RHBDD1: variants seen among roughly 807,000 people sequenced by gnomAD.
RHBDD1 encodes the protein rhomboid-related protein 4.
RHBDD1 carries 38 observed loss-of-function variants against 36.3 expected under a neutral mutation model. The observed-to-expected ratio is 1.05, with a 90% confidence interval of 0.81 to 1.37. RHBDD1 has a LOEUF of 1.37. Ranked by LOEUF, RHBDD1 falls within the 40% of genes most tolerant of loss-of-function variation. The probability of loss-of-function intolerance (pLI) is 0.00; values close to 1 mark genes in which losing one functional copy is unlikely to be tolerated. For synonymous variants in RHBDD1, 151 were observed against 136.5 expected (o/e 1.11, Z -0.74); for missense variants, 393 against 377.6 (o/e 1.04, Z -0.34).
intron 8 of RHBDD1, among the ~76,000 whole-genome samples, chr2:226,928,101 GAGTT>G (rs1289689831): frequency 6.6e-6 from 1 of 152,000 alleles, no homozygotes; most frequent in African/African-American, 2.4e-5. Flanking sequence ...AGCCCATTTT[GAGTT>G]AGTTTTTATA....
intron 5 of RHBDD1, among the ~76,000 whole-genome samples, chr2:226,874,768 G>A (rs924253615): frequency 2.0e-5 from 3 of 152,180 alleles, no homozygotes; most frequent in African/African-American, 7.2e-5. Context: ...GGATTTGGAT[G>A]TAGATGTCTT....
chr2:226,977,209 G>A (rs1211978409), intron 8 of RHBDD1, among the ~76,000 whole-genome samples: 1 of 152,158 alleles, frequency 6.6e-6, no homozygotes, highest in Non-Finnish European at 1.5e-5. Context: ...TGGTTTCCCA[G>A]TTCAGTTTGT....
the RHBDD1 span, among the ~76,000 whole-genome samples, chr2:226,825,732 T>C: frequency 1.3e-5 from 2 of 152,210 alleles, no homozygotes; most frequent in African/African-American, 4.8e-5. Context: ...CATTTAATGT[T>C]CAGAAGCAGA....
At chr2:226,817,814 G>A in the RHBDD1 span, among the ~76,000 whole-genome samples, 1 of 152,132 alleles carries the variant, frequency 6.6e-6, no homozygotes, top group Non-Finnish European at 1.5e-5. Context: ...CCTAGGATCC[G>A]CATGAGACCT....
At chr2:226,846,268 A>G (rs1051926217) in intron 3 of RHBDD1, among the ~76,000 whole-genome samples, 2 of 152,244 alleles carry the variant, frequency 1.3e-5, no homozygotes, top group Non-Finnish European at 2.9e-5. Context: ...TCTCATTTTT[A>G]AAGTTTGTAT....
chr2:226,908,740 C>A, intron 6 of RHBDD1, 82 bp from the exon 7 acceptor site: 3 of 938,016 alleles, frequency 3.2e-6, no homozygotes, highest in East Asian at 2.4e-5. Context: ...GGGCTTTGTC[C>A]AGAGAACTTT....
chr2:226,831,407 T>C (rs932410722), upstream of RHBDD1, among the ~76,000 whole-genome samples: 3 of 152,198 alleles, frequency 2.0e-5, no homozygotes, highest in Non-Finnish European at 4.4e-5. Flanking sequence ...GCAGATGTAA[T>C]TCATTAAGAT....
chr2:226,861,969 A>G (rs751957438), intron 3 of RHBDD1, among the ~76,000 whole-genome samples: 11 of 152,218 alleles, frequency 7.2e-5, no homozygotes, highest in Non-Finnish European at 1.5e-4. Context: ...GGTTTTGCCA[A>G]TAATGTGTGT....
chr2:226,802,598 G>C, the RHBDD1 span, among the ~76,000 whole-genome samples: 3 of 152,190 alleles, frequency 2.0e-5, no homozygotes, highest in Non-Finnish European at 4.4e-5. Flanking sequence ...TAGTCTTTTG[G>C]TGTATTGTAA....
At chr2:226,855,574 T>G (rs1055056943) in intron 3 of RHBDD1, among the ~76,000 whole-genome samples, 8 of 152,312 alleles carry the variant, frequency 5.3e-5, no homozygotes, top group South Asian at 2.1e-4. Flanking sequence ...ATTAGAGAGA[T>G]AGTCTAATGG....
the RHBDD1 span, chr2:226,810,939 C>G: frequency 2.6e-5 from 4 of 152,264 alleles, no homozygotes; most frequent in East Asian, 7.7e-4. Flanking sequence ...GAGGACTCAT[C>G]CCACCTTTGC....
intron 3 of RHBDD1, among the ~76,000 whole-genome samples, chr2:226,860,486 C>T (rs1185478341): frequency 2.0e-5 from 3 of 152,150 alleles, no homozygotes; most frequent in Non-Finnish European, 4.4e-5. Context: ...ATTTTATAGT[C>T]AGTGCTCACT....
intron 8 of RHBDD1, among the ~76,000 whole-genome samples, chr2:226,955,897 A>G (rs1348810593): frequency 1.3e-5 from 2 of 152,220 alleles, no homozygotes; most frequent in African/African-American, 2.4e-5. Flanking sequence ...TAGGGTTTCC[A>G]TAAATGAATT....
At chr2:226,813,109 A>G in the RHBDD1 span, among the ~76,000 whole-genome samples, 1 of 152,318 alleles carries the variant, frequency 6.6e-6, no homozygotes, top group Non-Finnish European at 1.5e-5. Flanking sequence ...ACTTTGCTAT[A>G]ATATCCACAA....
At chr2:226,812,855 T>TA in the RHBDD1 span, among the ~76,000 whole-genome samples, 2 of 152,206 alleles carry the variant, frequency 1.3e-5, no homozygotes, top group Admixed American at 1.3e-4. Flanking sequence ...TTCAGAACAA[T>TA]AAAAACCTTA....
chr2:226,978,991 T>G (rs887727701), intron 8 of RHBDD1, among the ~76,000 whole-genome samples: 8 of 152,190 alleles, frequency 5.3e-5, no homozygotes, highest in African/African-American at 1.9e-4. Flanking sequence ...TGTAGGTATG[T>G]ATAAAAAAGA....
At chr2:226,919,032 T>C (rs1008063709) in intron 8 of RHBDD1, among the ~76,000 whole-genome samples, 2 of 152,122 alleles carry the variant, frequency 1.3e-5, no homozygotes, top group Non-Finnish European at 2.9e-5. Flanking sequence ...TGATGTTTCA[T>C]TGTAGTTTTG....
chr2:226,946,909 GT>G (rs1470314746), intron 8 of RHBDD1, among the ~76,000 whole-genome samples: 1 of 152,176 alleles, frequency 6.6e-6, no homozygotes, highest in Non-Finnish European at 1.5e-5. Flanking sequence ...TGCAAGGCTG[GT>G]TCAACATACA....
the RHBDD1 span, among the ~76,000 whole-genome samples, chr2:226,828,916 T>C: frequency 1.3e-5 from 2 of 152,196 alleles, no homozygotes; most frequent in African/African-American, 2.4e-5. Flanking sequence ...AATTTATCAA[T>C]TTTTTCTTTT....
Sources: gnomAD v4.1 joint callset for allele counts (sites outside exome capture counted in the v4.1 genomes callset) on GRCh38, gnomAD v4.1.1 for gene constraint, MANE v1.5 for transcripts, NCBI Gene and HGNC (gene_info 2026-07-23, HGNC 2026-07-21) for gene names.